The following ZFAND6 variants were observed in gnomAD, a reference collection of about 807,000 sequenced individuals.
ZFAND6 encodes AN1-type zinc finger protein 6.
ZFAND6 carries 12 observed loss-of-function variants against 24.5 expected under a neutral mutation model. The observed-to-expected ratio is 0.49, with a 90% CI of 0.31 to 0.79. The LOEUF is 0.79. Among genes scored for constraint, ZFAND6 ranks in the 30% least tolerant of loss-of-function variants. The pLI is 0.04. For missense variants in ZFAND6, 207 were observed against 245.9 expected, an observed-to-expected ratio of 0.84 and a Z score of 1.06; for synonymous variants, 92 against 81.5, an observed-to-expected ratio of 1.13 and a Z score of -0.69.
chr15:80,095,475 T>G (rs888854925), intron 1 of ZFAND6, among the ~76,000 whole-genome samples: 2 of 152,240 alleles, frequency 1.3e-5, no homozygotes, highest in African/African-American at 4.8e-5. Flanking sequence ...GAAGACACTA[T>G]TAGACTCAAT....
At chr15:80,126,525 A>G (rs1171209610) in intron 5 of ZFAND6, among the ~76,000 whole-genome samples, 2 of 152,248 alleles carry the variant, frequency 1.3e-5, no homozygotes, top group African/African-American at 4.8e-5. Flanking sequence ...AATGGTGCCA[A>G]AATCATTTGA....
rs2040936824 is a variant in ZFAND6, at chr15:80,137,976, A to G, written c.*348A>G. ...CTTGCAGTTTATTTTCTCATTGTGT[A>G]TGTATATATCGCTTTTCTCTGCAGC... On this transcript the variant is annotated 3_prime_UTR_variant, in exon 7 of 7. Transcript: ENST00000261749. 1 of 179,516 alleles carries G rather than the reference A, an allele frequency of 5.6e-6. No homozygotes were observed. The highest frequency in any genetic ancestry group is 1.2e-5 in the Non-Finnish European group (1 of 86,384). 11.1% of individuals were successfully genotyped at this position (179,516 alleles called of 1,614,324 possible).
intron 1 of ZFAND6, among the ~76,000 whole-genome samples, chr15:80,072,087 T>C (rs1334551823): frequency 2.6e-5 from 4 of 152,134 alleles, no homozygotes; most frequent in African/African-American, 7.2e-5. Context: ...GTTTTCTCTT[T>C]AAGTCTTAGA....
At chr15:80,111,412 TCTTC>T in intron 2 of ZFAND6, 1 of 421,976 alleles carries the variant, frequency 2.4e-6, no homozygotes, top group Non-Finnish European at 4.7e-6. Flanking sequence ...GAAAAGTCAG[TCTTC>T]CTTATTGACA....
At chr15:80,087,567 G>T (rs1596231817) in intron 1 of ZFAND6, among the ~76,000 whole-genome samples, 1 of 152,126 alleles carries the variant, frequency 6.6e-6, no homozygotes, top group Non-Finnish European at 1.5e-5. Context: ...CTCTCCTCTA[G>T]CTTCAGTTCC....
chr15:80,114,957 T>C (rs140881426), intron 2 of ZFAND6: 1 of 152,256 alleles, frequency 6.6e-6, no homozygotes, highest in East Asian at 1.9e-4. Context: ...AAATTATAGG[T>C]TTTCAGGGAT....
intron 1 of ZFAND6, among the ~76,000 whole-genome samples, chr15:80,064,799 C>T (rs1403484989): frequency 6.6e-6 from 1 of 152,046 alleles, no homozygotes; most frequent in Non-Finnish European, 1.5e-5. Context: ...CCCCACCATG[C>T]CTGGCAATTT....
chr15:80,085,303 G>C (rs1323947424), intron 1 of ZFAND6, among the ~76,000 whole-genome samples: 2 of 152,146 alleles, frequency 1.3e-5, no homozygotes, highest in Non-Finnish European at 2.9e-5. Flanking sequence ...GTGAATGCTG[G>C]GATTTGGGTC....
At chr15:80,068,187 G>A (rs1326678494) in intron 1 of ZFAND6, among the ~76,000 whole-genome samples, 4 of 150,334 alleles carry the variant, frequency 2.7e-5, no homozygotes, top group South Asian at 2.1e-4. Context: ...TGCCTTTGTC[G>A]CCCAGGATGG....
At chr15:80,116,171 A>G (rs1369240329) in intron 2 of ZFAND6, among the ~76,000 whole-genome samples, 1 of 147,214 alleles carries the variant, frequency 6.8e-6, no homozygotes, top group Non-Finnish European at 1.5e-5. Flanking sequence ...AGGTCTGTTT[A>G]TGTATTTTAT....
At chr15:80,114,424 A>G (rs1596293792) in intron 2 of ZFAND6, among the ~76,000 whole-genome samples, 1 of 152,312 alleles carries the variant, frequency 6.6e-6, no homozygotes, top group African/African-American at 2.4e-5. Flanking sequence ...CTCTGGGACA[A>G]TTATTATACA....
At chr15:80,073,236 C>A in intron 1 of ZFAND6, 1 of 256,642 alleles carries the variant, frequency 3.9e-6, no homozygotes, top group Non-Finnish European at 8.1e-6. Context: ...TTTCTTCTTA[C>A]TTCATTCAAA....
At chr15:80,087,833 TCTTA>T (rs2038094513) in intron 1 of ZFAND6, among the ~76,000 whole-genome samples, 1 of 152,198 alleles carries the variant, frequency 6.6e-6, no homozygotes, top group Non-Finnish European at 1.5e-5. Context: ...TTTATCATAT[TCTTA>T]CTTTCCTTGG....
intron 1 of ZFAND6, among the ~76,000 whole-genome samples, chr15:80,090,918 G>A (rs2038319598): frequency 1.3e-5 from 2 of 152,104 alleles, no homozygotes; most frequent in Admixed American, 6.5e-5. Flanking sequence ...AAAATACAGA[G>A]TCACACATTT....
In ZFAND6 at chr15:80,073,553, A is replaced by G. The variant is rs149684599; in HGVS notation, c.-181+13744A>G. The stretch of plus-strand genomic sequence containing the variant: ...TTTCAGCCATTGTATTTGCTATGCT[A>G]CTTGTTCCGGATCATGCAAAGGTTT... On this transcript the variant is annotated intron_variant, in intron 1 of 6. Transcript: ENST00000261749. Among the ~76,000 whole-genome samples the G allele has an allele frequency of 2.7e-3, 415 of 152,056 alleles. 3 individuals are homozygous for G. Among genetic ancestry groups the G allele is most frequent in the African/African-American group, 9.2e-3 (381 of 41,556 alleles).
chr15:80,086,418 T>C (rs1453708681), intron 1 of ZFAND6, among the ~76,000 whole-genome samples: 3 of 152,212 alleles, frequency 2.0e-5, no homozygotes, highest in Non-Finnish European at 2.9e-5. Flanking sequence ...TTTTAGTAAA[T>C]TTATAAAGTT....
At chr15:80,077,309 A>G (rs1405901765) in intron 1 of ZFAND6, among the ~76,000 whole-genome samples, 1 of 152,236 alleles carries the variant, frequency 6.6e-6, no homozygotes, top group African/African-American at 2.4e-5. Context: ...CAAATATTCT[A>G]TCATCAAAAA....
chr15:80,089,456 A>T (rs370527711), intron 1 of ZFAND6, among the ~76,000 whole-genome samples: 1 of 151,550 alleles, frequency 6.6e-6, no homozygotes, highest in South Asian at 2.1e-4. Context: ...GGGTTTTGCC[A>T]TGTTTGCCAG....
intron 2 of ZFAND6, among the ~76,000 whole-genome samples, chr15:80,105,275 C>T (rs1314630340): frequency 6.6e-6 from 1 of 152,098 alleles, no homozygotes; most frequent in African/African-American, 2.4e-5. Flanking sequence ...GAAACCATTC[C>T]ATCACACTTT....
Sources: allele counts gnomAD v4.1 joint callset (sites outside exome capture counted in the v4.1 genomes callset), GRCh38; gene constraint gnomAD v4.1.1; transcripts MANE v1.5; gene names NCBI Gene and HGNC (gene_info 2026-07-23, HGNC 2026-07-21).